Variants in DLC1 observed in about 807,000 individuals in gnomAD.
The protein encoded by DLC1 is DLC1 Rho GTPase activating protein.
DLC1 carries 54 observed loss-of-function variants against 140.3 expected under a neutral mutation model. The ratio of observed to expected loss-of-function variants is 0.38; its 90% CI spans 0.31 to 0.48. The LOEUF (loss-of-function observed/expected upper bound fraction) is 0.48, where lower values mean the gene tolerates loss of function less well. Among genes scored for constraint, DLC1 ranks in the 20% least tolerant of loss-of-function variants. The pLI is 0.96. For synonymous variants in DLC1, 986 were observed against 728.1 expected (o/e 1.35, Z -5.70); for missense variants, 2,536 against 1,907.0 (o/e 1.33, Z -6.14).
chr8:13,457,170 A>T (rs944891422), intron 2 of DLC1, among the ~76,000 whole-genome samples: 2 of 152,188 alleles, frequency 1.3e-5, no homozygotes, highest in African/African-American at 4.8e-5. Context: ...ATCTAGCCCT[A>T]TACCGTGCTC....
intron 5 of DLC1, among the ~76,000 whole-genome samples, chr8:13,292,531 C>G (rs1831795824): frequency 6.6e-6 from 1 of 152,142 alleles, no homozygotes. Flanking sequence ...TTAATGTCCC[C>G]CTTTGGGTAA....
intron 5 of DLC1, among the ~76,000 whole-genome samples, chr8:13,261,555 G>A (rs1197104366): frequency 6.6e-6 from 1 of 152,136 alleles, no homozygotes; most frequent in Admixed American, 6.5e-5. Context: ...GGTGGGGCAA[G>A]GGTGGAGGTG....
rs145073407 is a variant in DLC1 at position 13,237,494 on chromosome 8, C to T, written c.1348+67775G>A. On this transcript the variant is annotated intron_variant, in intron 5 of 17. Transcript: ENST00000276297. The stretch of plus-strand genomic sequence containing the variant: ...CTTTATTTCAATAGTTTTTGAGGTA[C>T]AGGTAGTTTTTGGTTGCATGGATGG... Among the ~76,000 whole-genome samples, 14 of 151,902 alleles carry T rather than the reference C, an allele frequency of 9.2e-5. No homozygotes were observed. The East Asian group carries it at 2.7e-3, about 29-fold the overall frequency.
At chr8:13,330,137 A>C (rs779425662) in intron 4 of DLC1, among the ~76,000 whole-genome samples, 21 of 151,928 alleles carry the variant, frequency 1.4e-4, no homozygotes, top group African/African-American at 4.6e-4. Flanking sequence ...GATAATTTTA[A>C]ATTTTTTTGT....
intron 4 of DLC1, among the ~76,000 whole-genome samples, chr8:13,376,923 A>G (rs1836019766): frequency 6.6e-6 from 1 of 152,170 alleles, no homozygotes; most frequent in Admixed American, 6.5e-5. Flanking sequence ...GGTATAGATT[A>G]TATGTGTCAG....
chr8:13,318,197 ATTTT>A (rs3988459), intron 4 of DLC1, among the ~76,000 whole-genome samples: 2 of 136,266 alleles, frequency 1.5e-5, no homozygotes, highest in African/African-American at 5.4e-5. Flanking sequence ...GCTAATTAAA[ATTTT>A]TTTTTTTTTT....
intron 2 of DLC1, among the ~76,000 whole-genome samples, chr8:13,459,255 C>T (rs943331891): frequency 2.6e-5 from 4 of 152,146 alleles, no homozygotes; most frequent in Non-Finnish European, 5.9e-5. Flanking sequence ...TCCTTTCCCT[C>T]CCCCTCTTTC....
intron 7 of DLC1, among the ~76,000 whole-genome samples, chr8:13,103,839 C>CAAAAAAAAA (rs1002564334): frequency 8.2e-5 from 5 of 60,718 alleles, no homozygotes; most frequent in African/African-American, 2.5e-4. Context: ...GACTCCATCT[C>CAAAAAAAAA]AAAAAAAAAA....
chr8:13,515,516 A>G (rs1802558652), upstream of DLC1: 1 of 152,230 alleles, frequency 6.6e-6, no homozygotes, highest in Non-Finnish European at 1.5e-5. Flanking sequence ...GACAGGCTCC[A>G]TCTTGATCGT....
chr8:13,421,228 G>A (rs181239630), intron 2 of DLC1, among the ~76,000 whole-genome samples: 1 of 152,000 alleles, frequency 6.6e-6, no homozygotes, highest in Admixed American at 6.6e-5. Context: ...AATCAGTATA[G>A]CTGCCTTATA....
At chr8:13,472,106 G>T (rs905874620) in intron 2 of DLC1, among the ~76,000 whole-genome samples, 8 of 152,184 alleles carry the variant, frequency 5.3e-5, no homozygotes, top group African/African-American at 1.9e-4. Context: ...ACATGAGGCA[G>T]TTCCTGGAAT....
chr8:13,561,314 G>A (rs1804235225), intron 1 of DLC1, among the ~76,000 whole-genome samples: 1 of 151,920 alleles, frequency 6.6e-6, no homozygotes, highest in Non-Finnish European at 1.5e-5. Context: ...CACACCTGGT[G>A]CAACTGCAGC....
chr8:13,576,705 T>G (rs999715777), intron 1 of DLC1, among the ~76,000 whole-genome samples: 4 of 152,068 alleles, frequency 2.6e-5, no homozygotes, highest in East Asian at 1.9e-4. Context: ...CCTCAGTGAG[T>G]GTGTCAAATG....
intron 5 of DLC1, among the ~76,000 whole-genome samples, chr8:13,174,890 T>C (rs1229705266): frequency 6.6e-6 from 1 of 152,164 alleles, no homozygotes; most frequent in African/African-American, 2.4e-5. Context: ...ATTTTTGGTT[T>C]TGTTGCAATT....
chr8:13,487,779 G>T (rs892809211), intron 2 of DLC1, among the ~76,000 whole-genome samples: 1 of 151,970 alleles, frequency 6.6e-6, no homozygotes, highest in African/African-American at 2.4e-5. Context: ...CACCATCTTG[G>T]CCAGGCTGGT....
intron 1 of DLC1, chr8:13,558,178 G>A (rs1379389379): frequency 2.0e-5 from 3 of 152,176 alleles, no homozygotes; most frequent in Non-Finnish European, 2.9e-5. Flanking sequence ...CTTGGAGCAG[G>A]TGCTATATGT....
chr8:13,558,138 T>C (rs918729042), intron 1 of DLC1: 1 of 152,260 alleles, frequency 6.6e-6, no homozygotes, highest in African/African-American at 2.4e-5. Flanking sequence ...ATGGGCAGTT[T>C]CAGCAGCTGG....
chr8:13,164,969 T>G (rs1320752641), intron 5 of DLC1, among the ~76,000 whole-genome samples: 2 of 152,212 alleles, frequency 1.3e-5, no homozygotes, highest in Non-Finnish European at 2.9e-5. Context: ...GAAGTACCTT[T>G]GTAGCCCCGG....
intron 5 of DLC1, among the ~76,000 whole-genome samples, chr8:13,170,291 C>T (rs1825371875): frequency 6.6e-6 from 1 of 152,054 alleles, no homozygotes; most frequent in Non-Finnish European, 1.5e-5. Context: ...CAATAGAACT[C>T]TTATTTAAAA....
Sources: gnomAD v4.1 joint callset for allele counts (sites outside exome capture counted in the v4.1 genomes callset) on GRCh38, gnomAD v4.1.1 for gene constraint, MANE v1.5 for transcripts, NCBI Gene and HGNC (gene_info 2026-07-23, HGNC 2026-07-21) for gene names.